Variants in MAPK10 observed in about 807,000 individuals in gnomAD.
The protein encoded by MAPK10 is mitogen-activated protein kinase 10.
Under a neutral mutation model 59.3 loss-of-function variants are expected in MAPK10, and 25 were observed. The ratio of observed to expected loss-of-function variants is 0.42; its 90% CI spans 0.31 to 0.59. The LOEUF is 0.59. MAPK10 is among the 20% of genes least tolerant of loss of function. MAPK10 has a pLI of 0.15. For missense variants in MAPK10, 351 were observed against 568.9 expected, an observed-to-expected ratio of 0.62 and a Z score of 3.90; for synonymous variants, 190 against 200.5, an observed-to-expected ratio of 0.95 and a Z score of 0.44.
chr4:86,316,046 G>C (rs2095780271), intron 2 of MAPK10, among the ~76,000 whole-genome samples: 1 of 152,082 alleles, frequency 6.6e-6, no homozygotes, highest in South Asian at 2.1e-4. Context: ...GGACGTCACT[G>C]CTAGAGTGGT....
chr4:86,320,444 T>C (rs1372341194), intron 2 of MAPK10, among the ~76,000 whole-genome samples: 3 of 152,066 alleles, frequency 2.0e-5, no homozygotes, highest in African/African-American at 7.2e-5. Context: ...AATAACCAAA[T>C]CAAATAGAAT....
intron 2 of MAPK10, among the ~76,000 whole-genome samples, chr4:86,217,229 A>C (rs566944380): frequency 5.4e-4 from 82 of 152,296 alleles, no homozygotes; most frequent in Non-Finnish European, 9.4e-4. Context: ...TCTTCCTAAA[A>C]TTCATGTATT....
At chr4:86,211,120 T>C (rs1403193725) in intron 2 of MAPK10, among the ~76,000 whole-genome samples, 1 of 151,834 alleles carries the variant, frequency 6.6e-6, no homozygotes, top group Non-Finnish European at 1.5e-5. Flanking sequence ...AACTTACACA[T>C]TGTGGAGTTT....
At chr4:86,036,072 G>T (rs141335548) in intron 11 of MAPK10, among the ~76,000 whole-genome samples, 2,343 of 152,252 alleles carry the variant, frequency 0.015, 26 homozygotes, top group South Asian at 0.041. Context: ...TGAGAATATT[G>T]CAATGTTATA....
At chr4:86,153,395 G>A (rs1215229211) in intron 4 of MAPK10, among the ~76,000 whole-genome samples, 1 of 152,142 alleles carries the variant, frequency 6.6e-6, no homozygotes, top group Non-Finnish European at 1.5e-5. Flanking sequence ...TTACTACAGG[G>A]ATGTAAGTTA....
chr4:86,572,200 C>T (rs944734053), intron 1 of MAPK10, among the ~76,000 whole-genome samples: 3 of 152,136 alleles, frequency 2.0e-5, no homozygotes, highest in Admixed American at 2.0e-4. Flanking sequence ...ATTCTACCAA[C>T]ACTCTCTACC....
At chr4:86,159,229 G>T in intron 4 of MAPK10, 69 bp downstream of exon 4, 2 of 1,201,942 alleles carry the variant, frequency 1.7e-6, no homozygotes, top group Non-Finnish European at 2.2e-6. Context: ...TTGTTTGTTT[G>T]TGTGTTTGTG....
At chr4:86,424,890 T>G (rs370678451) in intron 1 of MAPK10, among the ~76,000 whole-genome samples, 19 of 152,250 alleles carry the variant, frequency 1.2e-4, no homozygotes, top group African/African-American at 4.6e-4. Flanking sequence ...ATAAGAAATA[T>G]GTCCAGCTGG....
chr4:86,159,601 A>G (rs1435593544), intron 3 of MAPK10, 134 bp from the exon 4 acceptor site: 2 of 634,374 alleles, frequency 3.2e-6, no homozygotes, highest in Non-Finnish European at 5.1e-6. Context: ...GTTCACATAG[A>G]AAAAAAATAT....
At chr4:86,048,274 G>C (rs141215302) in intron 11 of MAPK10, among the ~76,000 whole-genome samples, 11 of 152,114 alleles carry the variant, frequency 7.2e-5, no homozygotes, top group African/African-American at 2.7e-4. Flanking sequence ...GTGGAAGATA[G>C]ACATAAAAAT....
intron 3 of MAPK10, among the ~76,000 whole-genome samples, chr4:86,169,715 A>G (rs903326227): frequency 4.0e-5 from 6 of 151,790 alleles, no homozygotes; most frequent in African/African-American, 1.2e-4. Flanking sequence ...TACAGAGAAC[A>G]CCACAAAGAT....
intron 1 of MAPK10, among the ~76,000 whole-genome samples, chr4:86,390,228 A>T (rs1398273209): frequency 6.6e-6 from 1 of 152,168 alleles, no homozygotes; most frequent in Admixed American, 6.5e-5. Flanking sequence ...GGTAGATTGT[A>T]TTTCTATGAG....
intron 1 of MAPK10, among the ~76,000 whole-genome samples, chr4:86,506,060 C>T (rs1755713965): frequency 6.6e-6 from 1 of 152,076 alleles, no homozygotes; most frequent in Non-Finnish European, 1.5e-5. Flanking sequence ...TTTAAAGCAC[C>T]TGGTATGTGT....
intron 1 of MAPK10, among the ~76,000 whole-genome samples, chr4:86,464,581 G>A (rs538370113): frequency 9.9e-5 from 15 of 151,840 alleles, no homozygotes; most frequent in African/African-American, 2.7e-4. Flanking sequence ...CAGCACTTTC[G>A]GATGCTGAGG....
chr4:86,423,794 T>TATATATATATATAC (rs1746886471), intron 1 of MAPK10, among the ~76,000 whole-genome samples: 2 of 146,978 alleles, frequency 1.4e-5, no homozygotes, highest in African/African-American at 5.0e-5. Context: ...TATATATATA[T>TATATATATATATAC]ATGTTTAGGA....
chr4:86,038,726 A>G (rs1350785741), intron 11 of MAPK10, among the ~76,000 whole-genome samples: 2 of 152,168 alleles, frequency 1.3e-5, no homozygotes, highest in Non-Finnish European at 1.5e-5. Flanking sequence ...AAAGCCTTAT[A>G]TTCTCTGTGG....
At chr4:86,511,768 GAGAA>G (rs1022392590) in intron 1 of MAPK10, among the ~76,000 whole-genome samples, 7 of 148,024 alleles carry the variant, frequency 4.7e-5, no homozygotes, top group Non-Finnish European at 1.0e-4. Flanking sequence ...GAGAGAGGAA[GAGAA>G]AGAAGGAGAA....
At chr4:86,379,654 G>A (rs560373301) in intron 1 of MAPK10, among the ~76,000 whole-genome samples, 3 of 152,304 alleles carry the variant, frequency 2.0e-5, no homozygotes, top group East Asian at 3.9e-4. Flanking sequence ...CTCCTGCTGC[G>A]GATAACTAGC....
At chr4:86,099,354 T>A (rs2054882496) in intron 8 of MAPK10, 1 of 152,226 alleles carries the variant, frequency 6.6e-6, no homozygotes, top group Non-Finnish European at 1.5e-5. Context: ...ATTTCCAAAT[T>A]GTCAAACTTG....
Sources: gnomAD v4.1 joint callset for allele counts (sites outside exome capture counted in the v4.1 genomes callset) on GRCh38, gnomAD v4.1.1 for gene constraint, MANE v1.5 for transcripts, NCBI Gene and HGNC (gene_info 2026-07-23, HGNC 2026-07-21) for gene names.